Variants in TRUB1 observed in about 807,000 individuals in gnomAD.
TRUB1 encodes the protein pseudouridylate synthase TRUB1.
In TRUB1, 23 loss-of-function variants were observed where a neutral mutation model predicts 33.9. The observed-to-expected ratio is 0.68, with a 90% CI of 0.49 to 0.96. The LOEUF is 0.96. Ranked by LOEUF, TRUB1 falls within the 40% of genes least tolerant of loss-of-function variation. The probability of loss-of-function intolerance (pLI) is 0.00; values close to 1 mark genes in which losing one functional copy is unlikely to be tolerated. For missense variants in TRUB1, 378 were observed against 422.2 expected, an observed-to-expected ratio of 0.90 and a Z score of 0.92; for synonymous variants, 163 against 165.4, an observed-to-expected ratio of 0.99 and a Z score of 0.11.
intron 6 of TRUB1, among the ~76,000 whole-genome samples, chr10:114,973,686 TAAG>T (rs1326897429): frequency 1.3e-5 from 2 of 152,220 alleles, no homozygotes; most frequent in African/African-American, 4.8e-5. Flanking sequence ...TAGATTGTGT[TAAG>T]AAGATATTTA....
At chr10:114,969,263 C>T in intron 4 of TRUB1, among the ~76,000 whole-genome samples, 1 of 150,756 alleles carries the variant, frequency 6.6e-6, no homozygotes, top group East Asian at 1.9e-4. Context: ...GAAACCCAGC[C>T]TCTACTAAAA....
At position 114,972,425 on chromosome 10, in the gene TRUB1, T is replaced by G. The variant is rs912845133; in HGVS notation, c.736+151T>G. ...AGTTAGGATTTCTTTATACCTTTTT[T>G]GGTAACACATTTAATGAGATACCTG... On this transcript the variant is annotated intron_variant, in intron 6 of 7. Transcript: ENST00000298746. 3.0e-5 allele frequency: 27 copies of G among 900,424 alleles called. No individual in the cohort carries two copies. The African/African-American group carries it at 3.4e-4, about 11-fold the overall frequency. The allele number at this position is 900,424 out of a possible 1,614,324, so 55.8% of individuals were successfully genotyped here. A position where few individuals can be genotyped will look rare whatever the true frequency, so the allele number is the denominator to read the frequency against.
At chr10:114,948,977 T>C (rs1002281367) in intron 2 of TRUB1, among the ~76,000 whole-genome samples, 7 of 152,274 alleles carry the variant, frequency 4.6e-5, no homozygotes, top group African/African-American at 1.7e-4. Flanking sequence ...CCGAAATGCT[T>C]GAATGAAGCA....
At chr10:114,970,015 T>G (rs754897939) in intron 4 of TRUB1, among the ~76,000 whole-genome samples, 3 of 152,244 alleles carry the variant, frequency 2.0e-5, no homozygotes, top group Non-Finnish European at 4.4e-5. Context: ...CACTTCATTA[T>G]TAATTACTGC....
intron 4 of TRUB1, among the ~76,000 whole-genome samples, chr10:114,967,603 T>C (rs2084315851): frequency 6.6e-6 from 1 of 152,236 alleles, no homozygotes; most frequent in African/African-American, 2.4e-5. Context: ...CATTGATGGC[T>C]TATTAATTTA....
At chr10:114,940,024 A>G (rs1266889518) in intron 1 of TRUB1, among the ~76,000 whole-genome samples, 1 of 151,968 alleles carries the variant, frequency 6.6e-6, no homozygotes, top group Non-Finnish European at 1.5e-5. Context: ...CGATTTCTAT[A>G]TTGCTTGTGA....
Position 114,975,276 on chromosome 10 carries a change from C to T in TRUB1, c.947C>T (p.Ala316Val), listed in dbSNP as rs200067972. ...TCATCTCTTTTCCCAGCAGAGTTGG[C>T]ACTTAAAAAATCAAAACCTGAGTCT... ...HCSSLFPAEL[A>V]LKKSKPESNE... The change falls in exon 8 of 8, where the codon GCA becomes GTA. Residue 316 changes from alanine to valine, a missense_variant. Transcript: ENST00000298746. 1 of 1,613,468 alleles carries T rather than the reference C, an allele frequency of 6.2e-7. No homozygotes were observed. Among genetic ancestry groups the T allele is most frequent in the African/African-American group, 1.3e-5 (1 of 74,958 alleles).
chr10:114,969,287 G>A (rs558858068), intron 4 of TRUB1, among the ~76,000 whole-genome samples: 7 of 151,626 alleles, frequency 4.6e-5, no homozygotes, highest in Non-Finnish European at 8.8e-5. Flanking sequence ...ACAAAAAGTA[G>A]GCATGTGTGG....
chr10:114,972,184 A>G lies in TRUB1; in HGVS notation c.646A>G (p.Arg216Gly), dbSNP rs142313108. 51 of 1,613,592 alleles carry G rather than the reference A, an allele frequency of 3.2e-5. No homozygotes were observed. Among genetic ancestry groups the G allele is most frequent in the Non-Finnish European group, 3.7e-5 (44 of 1,179,804 alleles). ...DGQRLSTLMK[R>G]GEVVEAKPAR... ...ACAAAGACTTTCGACTTTGATGAAG[A>G]GAGGTGAAGTCGTAGAAGCAAAACC... is the stretch of plus-strand genomic sequence containing the variant. The change falls in exon 6 of 8, where the codon AGA (arginine) becomes GGA (glycine). Residue 216 changes from arginine to glycine, a missense_variant. Coordinates refer to ENST00000298746, the MANE Select transcript of TRUB1 (RefSeq NM_139169.5).
intron 4 of TRUB1, among the ~76,000 whole-genome samples, chr10:114,966,685 C>T (rs1253854906): frequency 1.3e-5 from 2 of 152,124 alleles, no homozygotes; most frequent in African/African-American, 2.4e-5. Flanking sequence ...AGTATCAGAT[C>T]TTTACATCCT....
rs75192282 is a variant in TRUB1, at chr10:114,972,283, G to A, written c.736+9G>A. On this transcript the variant is annotated intron_variant, in intron 6 of 7. Coordinates refer to ENST00000298746, the MANE Select transcript of TRUB1 (RefSeq NM_139169.5). ...ACCATTTTTCACATTAGGTAAGATG[G>A]AGAAATTTGAAATCATTTGTATTTA... The A allele has an allele frequency of 1.5e-4, 231 of 1,587,908 alleles. No individual in the cohort carries two copies. The African/African-American group carries it at 2.9e-3, about 20-fold the overall frequency.
chr10:114,973,772 G>T (rs1046849578), intron 6 of TRUB1, among the ~76,000 whole-genome samples: 1 of 152,106 alleles, frequency 6.6e-6, no homozygotes, highest in Non-Finnish European at 1.5e-5. Context: ...ATTTCCAAGA[G>T]AACATTTAAA....
intron 3 of TRUB1, among the ~76,000 whole-genome samples, chr10:114,959,004 C>T (rs1437470946): frequency 2.0e-5 from 3 of 152,042 alleles, no homozygotes; most frequent in Non-Finnish European, 2.9e-5. Context: ...GGCGTGGTGG[C>T]GGGTGCCTGT....
At chr10:114,967,404 G>A (rs975530930) in intron 4 of TRUB1, among the ~76,000 whole-genome samples, 4 of 152,128 alleles carry the variant, frequency 2.6e-5, no homozygotes, top group Non-Finnish European at 2.9e-5. Flanking sequence ...TTACTCTTTC[G>A]TAGTCAAATA....
intron 1 of TRUB1, among the ~76,000 whole-genome samples, chr10:114,942,015 A>G (rs1313002801): frequency 1.3e-5 from 2 of 150,754 alleles, no homozygotes; most frequent in Non-Finnish European, 3.0e-5. Flanking sequence ...CAATCTCCTG[A>G]CCTCGTGATC....
chr10:114,962,353 T>C (rs1013803908), intron 4 of TRUB1, among the ~76,000 whole-genome samples: 1 of 152,246 alleles, frequency 6.6e-6, no homozygotes, highest in Non-Finnish European at 1.5e-5. Flanking sequence ...TAGAGTGTTA[T>C]GATAGAGAAC....
intron 2 of TRUB1, 114 bp from the exon 3 acceptor site, chr10:114,950,980 T>C (rs187009487): frequency 1.4e-4 from 116 of 822,754 alleles, no homozygotes; most frequent in Non-Finnish European, 3.6e-5. Context: ...TAAATATCTG[T>C]TCTTTCCCAC....
intron 5 of TRUB1, 149 bp downstream of exon 5, chr10:114,970,589 A>G (rs2084331584): frequency 1.5e-6 from 1 of 651,180 alleles, no homozygotes; most frequent in Non-Finnish European, 2.7e-6. Context: ...AAGGTGAGAC[A>G]GGATGTGGAG....
At chr10:114,955,876 T>C (rs1257411459) in intron 3 of TRUB1, among the ~76,000 whole-genome samples, 35 of 152,254 alleles carry the variant, frequency 2.3e-4, no homozygotes, top group Admixed American at 2.3e-3. Context: ...AAAAAAGGAC[T>C]GTTCCTTCTT....
Sources: gnomAD v4.1 joint callset for allele counts (sites outside exome capture counted in the v4.1 genomes callset) on GRCh38, gnomAD v4.1.1 for gene constraint, MANE v1.5 for transcripts, NCBI Gene and HGNC (gene_info 2026-07-23, HGNC 2026-07-21) for gene names.